The following CUL1 variants were observed in gnomAD, a reference collection of about 807,000 sequenced individuals.
CUL1 encodes cullin-1.
In CUL1, 24 loss-of-function variants were observed where a neutral mutation model predicts 118.0. The observed-to-expected ratio is 0.20, with a 90% CI of 0.15 to 0.29. The LOEUF (loss-of-function observed/expected upper bound fraction) is 0.29. Ranked by LOEUF, CUL1 falls within the 10% of genes least tolerant of loss-of-function variation. CUL1 has a pLI of 1.00. For missense variants in CUL1, 361 were observed against 933.8 expected, an observed-to-expected ratio of 0.39 and a Z score of 7.99; for synonymous variants, 332 against 340.4, an observed-to-expected ratio of 0.98 and a Z score of 0.27.
chr7:148,721,724 C>CT (rs138639910), intron 1 of CUL1, among the ~76,000 whole-genome samples: 6,874 of 150,790 alleles, frequency 0.046, 554 homozygotes, highest in African/African-American at 0.16. Flanking sequence ...CCTTTGTCAC[C>CT]TTTTTTTTTC....
At chr7:148,796,800 C>T (rs1003640788) in intron 17 of CUL1, among the ~76,000 whole-genome samples, 2 of 152,170 alleles carry the variant, frequency 1.3e-5, no homozygotes, top group African/African-American at 2.4e-5. Flanking sequence ...AGACCTGGCT[C>T]AGGAAGTGGG....
At chr7:148,756,754 T>C (rs1369107103) in intron 3 of CUL1, among the ~76,000 whole-genome samples, 1 of 152,178 alleles carries the variant, frequency 6.6e-6, no homozygotes, top group Non-Finnish European at 1.5e-5. Context: ...GTTTGCATAT[T>C]TAATACCATG....
intron 5 of CUL1, 93 bp downstream of exon 5, chr7:148,759,447 C>CCATCTTA: frequency 6.9e-7 from 1 of 1,445,922 alleles, no homozygotes. Context: ...TCGGATTATC[C>CCATCTTA]CATCTTACAT....
At chr7:148,758,756 T>C (rs937346492) in intron 4 of CUL1, among the ~76,000 whole-genome samples, 1 of 152,262 alleles carries the variant, frequency 6.6e-6, no homozygotes, top group Admixed American at 6.5e-5. Context: ...AACAAAACTT[T>C]CTAGGTTTAG....
At chr7:148,760,241 ATAACT>A (rs1799790206) in intron 6 of CUL1, 87 bp from the exon 7 acceptor site, 2 of 1,061,958 alleles carry the variant, frequency 1.9e-6, no homozygotes, top group South Asian at 2.0e-5. Flanking sequence ...CCTTTTAAAC[ATAACT>A]TAAACTGAAT....
chr7:148,796,055 C>T (rs917776697), intron 17 of CUL1, among the ~76,000 whole-genome samples: 2 of 151,996 alleles, frequency 1.3e-5, no homozygotes, highest in Admixed American at 1.3e-4. Flanking sequence ...TGTTACTGCC[C>T]TTATTGGGAA....
At chr7:148,728,440 G>A (rs985398748) in intron 1 of CUL1, among the ~76,000 whole-genome samples, 8 of 152,144 alleles carry the variant, frequency 5.3e-5, no homozygotes, top group Non-Finnish European at 1.2e-4. Flanking sequence ...AGTAGGGTAG[G>A]TCCAAACAGT....
intron 2 of CUL1, among the ~76,000 whole-genome samples, chr7:148,747,163 G>T (rs1361869019): frequency 6.6e-6 from 1 of 152,172 alleles, no homozygotes; most frequent in Non-Finnish European, 1.5e-5. Context: ...TAAGCATATG[G>T]AAGCTCCCAT....
Position 148,787,495 on chromosome 7 carries a change from G to GT in CUL1, c.1479+377dup, listed in dbSNP as rs1190979178. 6.6e-6 allele frequency among the ~76,000 whole-genome samples: 1 copy of GT among 152,084 alleles called. No individual in the cohort carries two copies. Among genetic ancestry groups the GT allele is most frequent in the Non-Finnish European group, 1.5e-5 (1 of 68,004 alleles). ...ATAAAAAAGCTCTTAGTCTCTCCAG[G>GT]TTATGAGGCAGGCAGAGGAGTTTGT... On this transcript the variant is annotated intron_variant, in intron 13 of 21. Transcript: ENST00000325222. This position sits in a 1 kb window ranked among gnomAD's most constrained non-coding sequence, Gnocchi z 5.5.
chr7:148,698,506 C>G (rs1453010781), upstream of CUL1: 1 of 152,132 alleles, frequency 6.6e-6, no homozygotes, highest in Non-Finnish European at 1.5e-5. Flanking sequence ...TCGGGGATGT[C>G]TCGGGTGCCG....
chr7:148,719,807 C>T, intron 1 of CUL1, among the ~76,000 whole-genome samples: 1 of 152,206 alleles, frequency 6.6e-6, no homozygotes, highest in Non-Finnish European at 1.5e-5. Flanking sequence ...GTATTCATAT[C>T]ATGAAGCTTT....
intron 1 of CUL1, among the ~76,000 whole-genome samples, chr7:148,728,357 G>A (rs1798652719): frequency 6.6e-6 from 1 of 152,116 alleles, no homozygotes; most frequent in Non-Finnish European, 1.5e-5. Flanking sequence ...ATCCAAGACA[G>A]AATTAACTGG....
rs374728216 is a variant in CUL1, at chr7:148,743,789, A to G, written c.141-10187A>G. Among the ~76,000 whole-genome samples, 159 of 152,244 alleles carry G rather than the reference A, an allele frequency of 1.0e-3. 1 individual carries two copies. The highest frequency in any genetic ancestry group is 7.5e-3 in the East Asian group (39 of 5,178). ...CTAAAAATACAAAAATTAGCCGGTC[A>G]TGGTGGTGGGCGCCTGTAGTTACTC... On this transcript the variant is annotated intron_variant, in intron 2 of 21. Transcript: ENST00000325222.
intron 17 of CUL1, among the ~76,000 whole-genome samples, chr7:148,796,713 T>A (rs1356143427): frequency 1.3e-5 from 2 of 151,986 alleles, no homozygotes; most frequent in Non-Finnish European, 2.9e-5. Flanking sequence ...GTCTCCTGAG[T>A]GGTTCTCAGT....
At chr7:148,775,463 T>C (rs566667196) in intron 9 of CUL1, among the ~76,000 whole-genome samples, 1 of 152,334 alleles carries the variant, frequency 6.6e-6, no homozygotes, top group Non-Finnish European at 1.5e-5. Flanking sequence ...GGGTTGATTT[T>C]ACTATTCTTT....
chr7:148,701,342 TC>T (rs1489754231), intron 1 of CUL1, among the ~76,000 whole-genome samples: 1 of 152,042 alleles, frequency 6.6e-6, no homozygotes, highest in Non-Finnish European at 1.5e-5. Context: ...CCTCTTCACT[TC>T]CCTTCTCCCT....
At position 148,800,564 on chromosome 7, in the gene CUL1, C is replaced by A; in HGVS notation, c.2313C>A (p.Thr771=). The A allele has an allele frequency of 6.2e-7, 1 of 1,613,250 alleles. No individual in the cohort carries two copies. The highest frequency in any genetic ancestry group is 8.5e-7 in the Non-Finnish European group (1 of 1,179,238). Residue 771 remains threonine (T), a synonymous_variant, in exon 22 of 22, where the codon ACC becomes ACA. Coordinates refer to ENST00000325222, the MANE Select transcript of CUL1 (RefSeq NM_003592.3). This position sits in a 1 kb window ranked among gnomAD's most constrained non-coding sequence, Gnocchi z 4.6. The part of the protein sequence containing the change: ...YLERVDGEKD[T]YSYLA The stretch of plus-strand genomic sequence containing the variant: ...AGCGAGTGGATGGTGAAAAGGACAC[C>A]TACAGTTACTTGGCTTAACCCTTCT...
At chr7:148,706,703 G>A (rs1450599997) in intron 1 of CUL1, among the ~76,000 whole-genome samples, 1 of 151,978 alleles carries the variant, frequency 6.6e-6, no homozygotes, top group African/African-American at 2.4e-5. Context: ...CGGGGTGGGT[G>A]TTTAATGTCT....
intron 9 of CUL1, among the ~76,000 whole-genome samples, chr7:148,770,602 A>G (rs563163465): frequency 6.6e-6 from 1 of 152,274 alleles, no homozygotes; most frequent in South Asian, 2.1e-4. Context: ...CTTCTGTTGG[A>G]ATGCTGTCTG....
Sources: gnomAD v4.1 joint callset for allele counts (sites outside exome capture counted in the v4.1 genomes callset) on GRCh38, gnomAD v4.1.1 for gene constraint, Gnocchi (gnomAD v3.1) non-coding constraint, MANE v1.5 for transcripts, NCBI Gene and HGNC (gene_info 2026-07-23, HGNC 2026-07-21) for gene names.